Variants in UBAC1 observed in about 807,000 individuals in gnomAD.
The protein encoded by UBAC1 is ubiquitin-associated domain-containing protein 1.
Under a neutral mutation model 45.9 loss-of-function variants are expected in UBAC1, and 27 were observed. The observed-to-expected ratio is 0.59, with a 90% CI of 0.43 to 0.81. UBAC1 has a LOEUF of 0.81. Among genes scored for constraint, UBAC1 ranks in the 30% least tolerant of loss-of-function variants. The pLI is 0.00. For missense variants in UBAC1, 529 were observed against 539.2 expected (o/e 0.98, Z 0.19); for synonymous variants, 227 against 215.5 (o/e 1.05, Z -0.47).
rs75415013 is a variant in UBAC1, at chr9:135,947,942, G to A, written c.334-37C>T. 4,252 of 1,578,780 alleles carry A rather than the reference G, an allele frequency of 2.7e-3. 77 individuals are homozygous for A. The African/African-American group carries it at 0.049, about 18-fold the overall frequency. ...CGTAATCAGAAAGTCTGAGGTGAACGTAAGAGCAGCAAAAAGACGATGACA... is the reference window on the plus strand; with the variant it reads ...CGTAATCAGAAAGTCTGAGGTGAACATAAGAGCAGCAAAAAGACGATGACA... On this transcript the variant is annotated intron_variant, in intron 3 of 9. Transcript: ENST00000371756.
At chr9:135,935,852 C>T (rs914790454) in intron 9 of UBAC1, among the ~76,000 whole-genome samples, 1 of 152,020 alleles carries the variant, frequency 6.6e-6, no homozygotes, top group African/African-American at 2.4e-5. Flanking sequence ...CGGTGAAACC[C>T]TGTCTCTACT....
rs529674762 is a variant in UBAC1 at position 135,945,164 on chromosome 9, G to C, written c.740C>G (p.Pro247Arg). Residue 247 changes from proline (P) to arginine (R), a missense_variant, in exon 7 of 10, where the codon CCA becomes CGA. Transcript: ENST00000371756. Reference protein sequence around the residue: ...IDTPLPGQAPPEAEGATAAAS... With the variant: ...IDTPLPGQAPREAEGATAAAS... ...AGCTGCTGTGGCCCCCTCGGCCTCT[G>C]GGGGAGCTTGGCCAGGAAGAGGCGT... 3.1e-6 allele frequency: 5 copies of C among 1,613,462 alleles called. No individual in the cohort carries two copies. The highest frequency in any genetic ancestry group is 2.7e-5 in the African/African-American group (2 of 75,046).
intron 9 of UBAC1, among the ~76,000 whole-genome samples, chr9:135,936,708 T>C (rs1322162462): frequency 6.6e-6 from 1 of 152,186 alleles, no homozygotes; most frequent in African/African-American, 2.4e-5. Context: ...TTGGCCAGGC[T>C]GGTCTTGAAC....
At chr9:135,955,438 A>G in intron 1 of UBAC1, 23 bp from the exon 2 acceptor site, 1 of 1,513,148 alleles carries the variant, frequency 6.6e-7, no homozygotes. Context: ...AGAAATTTCA[A>G]GGTAGAAAAT....
rs1401113927 is a variant in UBAC1 at position 135,955,354 on chromosome 9, G to A, written c.200C>T (p.Ala67Val). 1 of 1,607,552 alleles carries A rather than the reference G, an allele frequency of 6.2e-7. No individual in the cohort carries two copies. Among genetic ancestry groups the A allele is most frequent in the Non-Finnish European group, 8.5e-7 (1 of 1,178,298 alleles). ...GGCATCACTCAGCACCCTCTCTGAG[G>A]CAGCGTGGATTAATTTATGATGGGT... is the stretch of plus-strand genomic sequence containing the variant. Reference protein sequence around the residue: ...SITHHKLIHAASERVLSDART... With the variant: ...SITHHKLIHAVSERVLSDART... Residue 67 changes from alanine (A) to valine (V), a missense_variant, in exon 2 of 10, where the codon GCC becomes GTC. Physicochemically the swap from Ala to Val is moderately conservative, Grantham distance 64. Coordinates refer to ENST00000371756, the MANE Select transcript of UBAC1 (RefSeq NM_016172.3).
chr9:135,955,151 A>G, intron 2 of UBAC1, 144 bp downstream of exon 2: 2 of 861,374 alleles, frequency 2.3e-6, no homozygotes, highest in Non-Finnish European at 3.2e-6. Context: ...AAGGAAAAAC[A>G]GAATGCTTTT....
chr9:135,958,691 A>T, intron 1 of UBAC1, among the ~76,000 whole-genome samples: 1 of 152,216 alleles, frequency 6.6e-6, no homozygotes, highest in Non-Finnish European at 1.5e-5. Flanking sequence ...GCAGGATGAC[A>T]TCCAGGGACC....
intron 7 of UBAC1, among the ~76,000 whole-genome samples, chr9:135,944,684 G>A (rs1839305675): frequency 6.6e-6 from 1 of 152,226 alleles, no homozygotes; most frequent in South Asian, 2.1e-4. Context: ...AGAGGCTGCC[G>A]AACAGGGGGG....
intron 3 of UBAC1, among the ~76,000 whole-genome samples, chr9:135,952,285 AAG>A (rs1218173911): frequency 6.6e-6 from 1 of 152,258 alleles, no homozygotes; most frequent in African/African-American, 2.4e-5. Context: ...CCTAGCCCAA[AAG>A]AGTTTGACCT....
intron 8 of UBAC1, 135 bp from the exon 9 acceptor site, chr9:135,938,495 G>A: frequency 8.5e-7 from 1 of 1,170,786 alleles, no homozygotes; most frequent in Middle Eastern, 2.9e-4. Context: ...CTCCCTGGAA[G>A]GGACTCTACC....
rs1307574149 is a variant in UBAC1, at chr9:135,961,281, C to G, written c.-119G>C. ...GCGCTCCTTCGCTGGGCCGCCGCCC[C>G]GCCCCGGCTCCCGTCGGCCGGGCCG... On this transcript the variant is annotated 5_prime_UTR_variant, in exon 1 of 10. Transcript: ENST00000371756. The G allele has an allele frequency of 1.1e-6, 1 of 912,062 alleles. No individual in the cohort carries two copies. Among genetic ancestry groups the G allele is most frequent in the South Asian group, 5.2e-5 (1 of 19,298 alleles). The allele number at this position is 912,062 out of a possible 1,614,324, so 56.5% of individuals were successfully genotyped here. A position where few individuals can be genotyped will look rare whatever the true frequency, so the allele number is the denominator to read the frequency against.
chr9:135,958,598 A>G (rs1288398386), intron 1 of UBAC1, among the ~76,000 whole-genome samples: 1 of 152,230 alleles, frequency 6.6e-6, no homozygotes, highest in Non-Finnish European at 1.5e-5. Flanking sequence ...GAGGAAGGAA[A>G]AAATCATGCC....
intron 1 of UBAC1, 36 bp downstream of exon 1, chr9:135,960,989 C>A (rs1303189798): frequency 4.2e-6 from 6 of 1,424,286 alleles, no homozygotes; most frequent in African/African-American, 1.5e-5. Context: ...GGGTCCGGAG[C>A]GGGTGTTGGG....
At position 135,939,883 on chromosome 9, in the gene UBAC1, G is replaced by A. The variant is rs531135662; in HGVS notation, c.877-124C>T. On this transcript the variant is annotated intron_variant, in intron 7 of 9. Transcript: ENST00000371756. ...GGGTGCTCCCAACAGCACTGAGGAC[G>A]CTGTCCGTCCACGTTCTTTCCTCAC... is the stretch of plus-strand genomic sequence containing the variant. The A allele has an allele frequency of 3.8e-5, 28 of 736,916 alleles. No homozygotes were observed. The South Asian group carries it at 4.5e-4, about 12-fold the overall frequency. The allele number at this position is 736,916 out of a possible 1,614,324, so 45.6% of individuals were successfully genotyped here. A position where few individuals can be genotyped will look rare whatever the true frequency, so the allele number is the denominator to read the frequency against.
chr9:135,940,567 G>A (rs1332002979), intron 7 of UBAC1, among the ~76,000 whole-genome samples: 49 of 145,732 alleles, frequency 3.4e-4, no homozygotes, highest in African/African-American at 1.2e-3. Flanking sequence ...GCGACAGAGC[G>A]AGACTCCATC....
chr9:135,939,783 C>T (rs1175327935), intron 7 of UBAC1, 24 bp from the exon 8 acceptor site: 2 of 1,602,878 alleles, frequency 1.2e-6, no homozygotes, highest in Admixed American at 1.7e-5. Context: ...CAGCCGTTAG[C>T]TCGCTGGGGG....
At chr9:135,958,747 TCTGA>T (rs1354703352) in intron 1 of UBAC1, among the ~76,000 whole-genome samples, 1 of 152,298 alleles carries the variant, frequency 6.6e-6, no homozygotes, top group African/African-American at 2.4e-5. Context: ...GGTTCTCTTT[TCTGA>T]CTAACGCATT....
At chr9:135,937,407 C>T (rs1267975075) in intron 9 of UBAC1, among the ~76,000 whole-genome samples, 1 of 147,190 alleles carries the variant, frequency 6.8e-6, no homozygotes, top group Non-Finnish European at 1.5e-5. Flanking sequence ...TGCCATTGCA[C>T]TCCAGCCTGG....
intron 7 of UBAC1, among the ~76,000 whole-genome samples, chr9:135,943,237 T>C (rs1242465964): frequency 2.0e-5 from 3 of 152,084 alleles, no homozygotes; most frequent in Non-Finnish European, 4.4e-5. Context: ...CTGGCCAACA[T>C]GGTGAAACCC....
Sources: allele counts gnomAD v4.1 joint callset (sites outside exome capture counted in the v4.1 genomes callset), GRCh38; gene constraint gnomAD v4.1.1; transcripts MANE v1.5; gene names NCBI Gene and HGNC (gene_info 2026-07-23, HGNC 2026-07-21).